Variants in PACSIN2 observed in about 807,000 individuals in gnomAD.
PACSIN2 encodes protein kinase C and casein kinase substrate in neurons 2.
Under a neutral mutation model 63.8 loss-of-function variants are expected in PACSIN2, and 25 were observed. The observed-to-expected ratio is 0.39, with a 90% CI of 0.29 to 0.55. PACSIN2 has a LOEUF of 0.55. PACSIN2 is among the 20% of genes least tolerant of loss of function. The pLI, the probability that PACSIN2 is intolerant of heterozygous loss-of-function variation, is 0.62. For missense variants in PACSIN2, 518 were observed against 646.9 expected, an observed-to-expected ratio of 0.80 and a Z score of 2.16; for synonymous variants, 255 against 256.2, an observed-to-expected ratio of 1.00 and a Z score of 0.05.
intron 5 of PACSIN2, among the ~76,000 whole-genome samples, chr22:42,887,899 G>A (rs1020542601): frequency 6.6e-6 from 1 of 152,090 alleles, no homozygotes; most frequent in African/African-American, 2.4e-5. Flanking sequence ...GTCTCTCCTT[G>A]GCCAAAGACC....
chr22:42,992,501 A>G (rs1923108975), intron 1 of PACSIN2, among the ~76,000 whole-genome samples: 1 of 152,198 alleles, frequency 6.6e-6, no homozygotes, highest in Admixed American at 6.5e-5. Flanking sequence ...TAATCCCAAC[A>G]CTTTAGAAGA....
intron 1 of PACSIN2, among the ~76,000 whole-genome samples, chr22:42,926,064 T>A (rs1179175650): frequency 1.3e-5 from 2 of 152,222 alleles, no homozygotes; most frequent in African/African-American, 4.8e-5. Context: ...TGGGATGTTT[T>A]TTAAGAGCTC....
At chr22:42,970,625 G>A (rs1204449555) in intron 1 of PACSIN2, among the ~76,000 whole-genome samples, 3 of 152,136 alleles carry the variant, frequency 2.0e-5, no homozygotes, top group African/African-American at 2.4e-5. Flanking sequence ...AAAGTTTAAC[G>A]AACATTCATT....
intron 1 of PACSIN2, among the ~76,000 whole-genome samples, chr22:42,925,505 C>T (rs868627197): frequency 4.5e-4 from 69 of 151,696 alleles, no homozygotes; most frequent in Middle Eastern, 3.5e-3. Flanking sequence ...AAAGTATCAG[C>T]TCTAGGAGGG....
chr22:42,893,218 A>T (rs1020314504), intron 3 of PACSIN2, among the ~76,000 whole-genome samples: 1 of 152,208 alleles, frequency 6.6e-6, no homozygotes, highest in African/African-American at 2.4e-5. Context: ...ATGGATGACA[A>T]GGGCTATAGT....
chr22:42,912,238 C>T lies in PACSIN2; in HGVS notation c.-77-81G>A, dbSNP rs184814007. ...AAGTCATCTCTATTTCACAACTTCC[C>T]GTTTCTAATCACTGCCTTCAGTACA... On this transcript the variant is annotated intron_variant, in intron 1 of 10. Coordinates refer to ENST00000263246, the MANE Select transcript of PACSIN2 (RefSeq NM_001184970.3). 65 of 577,844 alleles carry T rather than the reference C, an allele frequency of 1.1e-4. No homozygotes were observed. In the Admixed American group the frequency reaches 1.7e-3, roughly 15 times the overall value. 35.8% of individuals were successfully genotyped at this position (577,844 alleles called of 1,614,324 possible).
intron 3 of PACSIN2, among the ~76,000 whole-genome samples, chr22:42,891,695 C>T (rs369321222): frequency 2.6e-5 from 4 of 152,164 alleles, no homozygotes; most frequent in African/African-American, 7.2e-5. Flanking sequence ...CGTGAGCCAC[C>T]GCGCCCGGCC....
In PACSIN2 at chr22:42,888,695, T is replaced by A. The variant is rs953940569; in HGVS notation, c.557A>T (p.Gln186Leu). The A allele has an allele frequency of 6.2e-7, 1 of 1,614,112 alleles. No individual in the cohort carries two copies. Among genetic ancestry groups the A allele is most frequent in the Admixed American group, 1.7e-5 (1 of 60,002 alleles). The change falls in exon 5 of 11, where the codon CAG (glutamine) becomes CTG (leucine). Residue 186 changes from glutamine (Q) to leucine (L), a missense_variant. Around this residue, in one of 2 missense-constraint regions of PACSIN2, gnomAD observed 507 missense variants for 612.3 expected, o/e 0.83. Transcript: ENST00000263246. ...SKADPSLNPEQLKKLQDKIEK... is the reference protein window; with the variant it reads ...SKADPSLNPELLKKLQDKIEK... ...TATTTTGTCTTGCAATTTCTTGAGC[T>A]GTTCAGGGTTGAGGGATGGGTCTGC...
chr22:42,965,317 G>A (rs1169778267), intron 1 of PACSIN2, among the ~76,000 whole-genome samples: 1 of 152,218 alleles, frequency 6.6e-6, no homozygotes, highest in Admixed American at 6.5e-5. Context: ...AAATTTTGGA[G>A]CAATGGAAAT....
chr22:42,874,039 C>T (rs1928380531), intron 10 of PACSIN2, among the ~76,000 whole-genome samples: 1 of 152,166 alleles, frequency 6.6e-6, no homozygotes, highest in East Asian at 1.9e-4. Context: ...ATCCTTCGGC[C>T]TTGGCCTCGC....
intron 1 of PACSIN2, among the ~76,000 whole-genome samples, chr22:42,914,076 G>A (rs2146726657): frequency 6.6e-6 from 1 of 152,320 alleles, no homozygotes; most frequent in South Asian, 2.1e-4. Flanking sequence ...ATGCATGCAC[G>A]CTCCTAACCA....
chr22:42,892,715 C>T (rs1929999994), intron 3 of PACSIN2, among the ~76,000 whole-genome samples: 1 of 152,262 alleles, frequency 6.6e-6, no homozygotes, highest in African/African-American at 2.4e-5. Flanking sequence ...AAAGGACAGG[C>T]AGCTGGACTA....
intron 1 of PACSIN2, among the ~76,000 whole-genome samples, chr22:42,955,305 AAACG>A (rs1010311436): frequency 2.6e-5 from 4 of 152,174 alleles, no homozygotes; most frequent in South Asian, 2.1e-4. Context: ...ATGAACAAAC[AAACG>A]AACGAACGAA....
Position 42,888,504 on chromosome 22 carries a change from T to C in PACSIN2, c.609+139A>G, listed in dbSNP as rs558453189. 35 of 800,272 alleles carry C rather than the reference T, an allele frequency of 4.4e-5. No homozygotes were observed. In the African/African-American group the frequency reaches 5.9e-4, roughly 13 times the overall value. 49.6% of individuals were successfully genotyped at this position (800,272 alleles called of 1,614,324 possible). On this transcript the variant is annotated intron_variant, in intron 5 of 10. Coordinates refer to ENST00000263246, the MANE Select transcript of PACSIN2 (RefSeq NM_001184970.3). Reference sequence around the variant, plus strand: ...CTAGGGCACTCACCTGTGGCCTTCTTGAGGACAGGGGTGTGTTTTATTGGT... The same window carrying C: ...CTAGGGCACTCACCTGTGGCCTTCTCGAGGACAGGGGTGTGTTTTATTGGT...
intron 1 of PACSIN2, among the ~76,000 whole-genome samples, chr22:42,980,481 T>TCTCCCCCTCCCC (rs565347188): frequency 1.5e-5 from 2 of 132,624 alleles, no homozygotes; most frequent in Admixed American, 7.3e-5. Flanking sequence ...TCCCTCTCCC[T>TCTCCCCCTCCCC]CTCCCCCTCC....
At position 42,904,728 on chromosome 22, in the gene PACSIN2, CTG is replaced by C. The variant is rs780061460; in HGVS notation, c.60+7291_60+7292del. Among the ~76,000 whole-genome samples, 93 of 152,068 alleles carry C rather than the reference CTG, an allele frequency of 6.1e-4. 1 individual carries two copies. The highest frequency in any genetic ancestry group is 9.6e-4 in the Non-Finnish European group (65 of 68,002). On this transcript the variant is annotated intron_variant, in intron 2 of 10. Transcript: ENST00000263246. The stretch of plus-strand genomic sequence containing the variant: ...TTGGTGCTTCCACAGCCCCCCCATA[CTG>C]CACTCCAGTCTACCTCCACCCTGGC...
chr22:43,007,550 A>G (rs1445501227), intron 1 of PACSIN2, among the ~76,000 whole-genome samples: 2 of 152,100 alleles, frequency 1.3e-5, no homozygotes, highest in African/African-American at 2.4e-5. Context: ...AGCTCTGCCC[A>G]GAATGGTCCT....
At chr22:42,976,997 A>T (rs1431008480) in intron 1 of PACSIN2, among the ~76,000 whole-genome samples, 1 of 152,202 alleles carries the variant, frequency 6.6e-6, no homozygotes, top group Admixed American at 6.5e-5. Flanking sequence ...GGTCATGAAA[A>T]ATTAATCTTT....
At chr22:42,889,277 T>C (rs1929721885) in intron 4 of PACSIN2, among the ~76,000 whole-genome samples, 1 of 150,806 alleles carries the variant, frequency 6.6e-6, no homozygotes, top group Non-Finnish European at 1.5e-5. Flanking sequence ...GATCGGCAAA[T>C]ACAAAGAAAG....
Sources: gnomAD v4.1 joint callset for allele counts (sites outside exome capture counted in the v4.1 genomes callset) on GRCh38, gnomAD v4.1.1 for gene constraint, gnomAD v4.1.1 regional missense constraint, MANE v1.5 for transcripts, NCBI Gene and HGNC (gene_info 2026-07-23, HGNC 2026-07-21) for gene names.